KIT: variants seen among roughly 807,000 people sequenced by gnomAD.
The protein encoded by KIT is KIT proto-oncogene, receptor tyrosine kinase.
Under a neutral mutation model 105.7 loss-of-function variants are expected in KIT, and 16 were observed. The observed-to-expected ratio is 0.15, with a 90% CI of 0.10 to 0.23. KIT has a LOEUF of 0.23. KIT is among the 10% of genes least tolerant of loss of function. The pLI, the probability that KIT is intolerant of heterozygous loss-of-function variation, is 1.00. For synonymous variants in KIT, 438 were observed against 441.1 expected (o/e 0.99, Z 0.09); for missense variants, 858 against 1,213.8 (o/e 0.71, Z 4.36).
At chr4:54,696,710 A>G (rs1720093882) in intron 2 of KIT, among the ~76,000 whole-genome samples, 1 of 152,242 alleles carries the variant, frequency 6.6e-6, no homozygotes, top group Non-Finnish European at 1.5e-5. Flanking sequence ...CCAGGATGGT[A>G]CAAATTCTAA....
rs1560414379 is a variant in KIT, at chr4:54,723,613, C to T, written c.1261C>T (p.Leu421Phe). The change falls in exon 8 of 21, where the codon CTC (leucine) becomes TTC (phenylalanine). Residue 421 changes from leucine to phenylalanine, a missense_variant. Physicochemically the swap from Leu to Phe is conservative, Grantham distance 22. Around this residue, in one of 7 missense-constraint regions of KIT, gnomAD observed 401 missense variants for 601.0 expected, o/e 0.67. Transcript: ENST00000288135. ...ACCAGAAATCCTGACTTACGACAGG[C>T]TCGTGAATGGCATGCTCCAATGTGT... ...TKPEILTYDR[L>F]VNGMLQCVAA... 3 of 1,614,024 alleles carry T rather than the reference C, an allele frequency of 1.9e-6. No homozygotes were observed. Among genetic ancestry groups the T allele is most frequent in the Non-Finnish European group, 1.7e-6 (2 of 1,179,912 alleles).
chr4:54,732,066 T>TTC (rs1560421537), intron 16 of KIT, 68 bp downstream of exon 16: 4 of 1,484,554 alleles, frequency 2.7e-6, no homozygotes, highest in Non-Finnish European at 1.8e-6. Flanking sequence ...TTTTTTTTTT[T>TTC]TTTTGAGAAC....
chr4:54,672,772 G>A (rs1424688425), intron 1 of KIT, among the ~76,000 whole-genome samples: 1 of 152,028 alleles, frequency 6.6e-6, no homozygotes, highest in East Asian at 1.9e-4. Flanking sequence ...TTTAATGCTG[G>A]CGGCCAGTCT....
chr4:54,671,447 G>T (rs1006033814), intron 1 of KIT, among the ~76,000 whole-genome samples: 2 of 152,106 alleles, frequency 1.3e-5, no homozygotes, highest in Non-Finnish European at 2.9e-5. Context: ...TGCTTGTCTG[G>T]GTGTCAGTTG....
intron 1 of KIT, among the ~76,000 whole-genome samples, chr4:54,661,458 C>T (rs1379674381): frequency 2.0e-5 from 3 of 152,158 alleles, no homozygotes; most frequent in Non-Finnish European, 4.4e-5. Flanking sequence ...AAGAAGGACA[C>T]GAGGAAATGA....
chr4:54,674,386 C>T (rs1718322960), intron 1 of KIT, among the ~76,000 whole-genome samples: 1 of 152,158 alleles, frequency 6.6e-6, no homozygotes, highest in Admixed American at 6.5e-5. Flanking sequence ...CAGGATGACC[C>T]TCTGAGCTTT....
chr4:54,704,498 T>A lies in KIT; in HGVS notation c.925+606T>A, dbSNP rs58449323. Among the ~76,000 whole-genome samples, 434 of 152,208 alleles carry A rather than the reference T, an allele frequency of 2.9e-3. 4 individuals carry two copies. The highest frequency in any genetic ancestry group is 1.0e-2 in the African/African-American group (414 of 41,534). ...GAGCATAAACTACAACATGGTAATC[T>A]GTCCCCGGACCCCATCATATCTGGT... On this transcript the variant is annotated intron_variant, in intron 5 of 20. Coordinates refer to ENST00000288135, the MANE Select transcript of KIT (RefSeq NM_000222.3).
chr4:54,738,099 T>TGGGTTG (rs1723029982), intron 20 of KIT, among the ~76,000 whole-genome samples: 2 of 152,318 alleles, frequency 1.3e-5, no homozygotes, highest in Admixed American at 1.3e-4. Context: ...CATTGGTTAT[T>TGGGTTG]GGGTTGTAGT....
intron 1 of KIT, among the ~76,000 whole-genome samples, chr4:54,676,647 C>A (rs189693353): frequency 1.3e-5 from 2 of 152,036 alleles, no homozygotes; most frequent in African/African-American, 4.8e-5. Flanking sequence ...TTGTGTCCTA[C>A]CCTGATTAAA....
chr4:54,733,354 C>A, intron 17 of KIT, 162 bp downstream of exon 17: 2 of 661,766 alleles, frequency 3.0e-6, no homozygotes, highest in Non-Finnish European at 5.4e-6. Context: ...GCATGGTATG[C>A]TGAACATTAC....
In KIT at chr4:54,727,678, A is replaced by T. The variant is rs1380881692; in HGVS notation, c.1774+136A>T. The T allele has an allele frequency of 7.5e-7, 1 of 1,336,582 alleles. No individual in the cohort carries two copies. 82.8% of individuals were successfully genotyped at this position (1,336,582 alleles called of 1,614,324 possible). A position where few individuals can be genotyped will look rare whatever the true frequency, so the allele number is the denominator to read the frequency against. ...TCTGTGAAATTGCGCCCCTTTTGAT[A>T]GGTTTGCCATAGAGAACATCGTAGG... On this transcript the variant is annotated intron_variant, in intron 11 of 20. Coordinates refer to ENST00000288135, the MANE Select transcript of KIT (RefSeq NM_000222.3).
chr4:54,704,845 C>T (rs1054752099), intron 5 of KIT, among the ~76,000 whole-genome samples: 17 of 152,086 alleles, frequency 1.1e-4, no homozygotes, highest in African/African-American at 3.6e-4. Flanking sequence ...TCTCTTTCCC[C>T]GCCTCACCAA....
In KIT at chr4:54,733,057, T is replaced by A. The variant is rs1722707709; in HGVS notation, c.2362-13T>A. 6.2e-7 allele frequency: 1 copy of A among 1,609,492 alleles called. No individual in the cohort carries two copies. The highest frequency in any genetic ancestry group is 1.7e-5 in the Admixed American group (1 of 59,950). The stretch of plus-strand genomic sequence containing the variant: ...GAATTTAAATGGTTTTCTTTTCTCC[T>A]CCAACCTAATAGTGTATTCACAGAG... On this transcript the variant is annotated splice_polypyrimidine_tract_variant and intron_variant, in intron 16 of 20. Coordinates refer to ENST00000288135, the MANE Select transcript of KIT (RefSeq NM_000222.3).
intron 4 of KIT, among the ~76,000 whole-genome samples, chr4:54,701,940 C>T (rs949472005): frequency 1.3e-5 from 2 of 152,154 alleles, no homozygotes; most frequent in African/African-American, 4.8e-5. Flanking sequence ...AGTAGGAAAT[C>T]TACATAGTGT....
chr4:54,739,342 G>A lies in KIT; in HGVS notation c.*785G>A, dbSNP rs964789170. The A allele has an allele frequency of 1.3e-5, 3 of 234,794 alleles. No individual in the cohort carries two copies. The highest frequency in any genetic ancestry group is 5.6e-5 in the Admixed American group (1 of 17,806). The allele number at this position is 234,794 out of a possible 1,614,324, so 14.5% of individuals were successfully genotyped here. A position where few individuals can be genotyped will look rare whatever the true frequency, so the allele number is the denominator to read the frequency against. On this transcript the variant is annotated 3_prime_UTR_variant, in exon 21 of 21. Transcript: ENST00000288135. ...CACTGTGTATAGAAGTAGATTAAGA[G>A]CCATATAAGTTTGAAGGAAACAGTT... is the stretch of plus-strand genomic sequence containing the variant.
At chr4:54,718,458 T>A (rs1175771552) in intron 7 of KIT, among the ~76,000 whole-genome samples, 1 of 152,194 alleles carries the variant, frequency 6.6e-6, no homozygotes, top group East Asian at 1.9e-4. Flanking sequence ...AATCAGGAGA[T>A]TTCATGAGAC....
chr4:54,735,019 T>C (rs1409670403), intron 17 of KIT, among the ~76,000 whole-genome samples: 1 of 152,154 alleles, frequency 6.6e-6, no homozygotes, highest in Non-Finnish European at 1.5e-5. Flanking sequence ...ACCACTGTAA[T>C]TTTAGAGTGG....
At chr4:54,731,637 C>T (rs1722604694) in intron 15 of KIT, among the ~76,000 whole-genome samples, 1 of 152,106 alleles carries the variant, frequency 6.6e-6, no homozygotes, top group Admixed American at 6.6e-5. Context: ...GATATGGGAT[C>T]TTTGCTTTAA....
chr4:54,673,639 C>A (rs561341038), intron 1 of KIT, among the ~76,000 whole-genome samples: 1 of 152,042 alleles, frequency 6.6e-6, no homozygotes, highest in African/African-American at 2.4e-5. Flanking sequence ...GCCCTTCTGG[C>A]GTGATTTTAT....
Sources: allele counts gnomAD v4.1 joint callset (sites outside exome capture counted in the v4.1 genomes callset), GRCh38; gene constraint gnomAD v4.1.1; regional missense constraint gnomAD v4.1.1; transcripts MANE v1.5; gene names NCBI Gene and HGNC (gene_info 2026-07-23, HGNC 2026-07-21).